The following GRM1 variants were observed in gnomAD, a reference collection of about 807,000 sequenced individuals.
The protein encoded by GRM1 is glutamate metabotropic receptor 1.
In GRM1, 33 loss-of-function variants were observed where a neutral mutation model predicts 90.9. That is an observed-to-expected ratio of 0.36 (90% CI 0.28 to 0.49). The LOEUF is 0.49. GRM1 is among the 20% of genes least tolerant of loss of function. The pLI, the probability that GRM1 is intolerant of heterozygous loss-of-function variation, is 0.99. For missense variants in GRM1, 1,190 were observed against 1,534.3 expected, an observed-to-expected ratio of 0.78 and a Z score of 3.75; for synonymous variants, 700 against 613.2, an observed-to-expected ratio of 1.14 and a Z score of -2.09.
intron 1 of GRM1, among the ~76,000 whole-genome samples, chr6:146,102,099 G>A (rs930401073): frequency 2.6e-5 from 4 of 151,920 alleles, no homozygotes; most frequent in East Asian, 1.9e-4. Flanking sequence ...CACAGATCTC[G>A]CTCGCCTCTT....
rs957164233 is a variant in GRM1 at position 146,297,695 on chromosome 6, A to C, written c.951-6916A>C. 2.6e-5 allele frequency among the ~76,000 whole-genome samples: 4 copies of C among 152,308 alleles called. No individual in the cohort carries two copies. The East Asian group carries it at 7.7e-4, about 29-fold the overall frequency. ...TACTAAACCATTGGATTCACGTTTG[A>C]AAAGTCACAAATTGCTGTGCTTTGA... is the stretch of plus-strand genomic sequence containing the variant. On this transcript the variant is annotated intron_variant, in intron 2 of 7. Transcript: ENST00000282753.
At chr6:146,046,702 T>C (rs1400917362) in intron 1 of GRM1, among the ~76,000 whole-genome samples, 2 of 152,056 alleles carry the variant, frequency 1.3e-5, no homozygotes, top group African/African-American at 4.8e-5. Context: ...TAAAGTTTGG[T>C]AACATAAGCA....
chr6:146,050,066 C>A (rs1424171630), intron 1 of GRM1, among the ~76,000 whole-genome samples: 1 of 151,892 alleles, frequency 6.6e-6, no homozygotes, highest in Non-Finnish European at 1.5e-5. Flanking sequence ...ATATTGTCAG[C>A]ATTTTTAATG....
rs1238833733 is a variant in GRM1 at position 146,382,338 on chromosome 6, A to G, written c.1603-4552A>G. ...CCTAAGATTTAAAAAAAAAAAAAAA[A>G]CAACTTGTCTGAATGTAACATATCT... On this transcript the variant is annotated intron_variant, in intron 5 of 7. Coordinates refer to ENST00000282753, the MANE Select transcript of GRM1 (RefSeq NM_001278064.2). Among the ~76,000 whole-genome samples the G allele has an allele frequency of 1.9e-4, 25 of 134,290 alleles. 1 individual carries two copies. In the Admixed American group the frequency reaches 1.9e-3, roughly 10 times the overall value. The allele number at this position is 134,290 out of a possible 152,430, so 88.1% of individuals were successfully genotyped here.
chr6:146,086,317 C>T (rs1321671760), intron 1 of GRM1, among the ~76,000 whole-genome samples: 1 of 152,120 alleles, frequency 6.6e-6, no homozygotes, highest in Non-Finnish European at 1.5e-5. Context: ...AAAACTTCAG[C>T]TTTCTCTCTG....
chr6:146,372,856 A>G (rs1295581532), intron 5 of GRM1, among the ~76,000 whole-genome samples: 1 of 152,004 alleles, frequency 6.6e-6, no homozygotes, highest in Non-Finnish European at 1.5e-5. Flanking sequence ...TGTTTTGGTT[A>G]TTATAGCTCT....
At chr6:146,105,471 T>A (rs964003624) in intron 1 of GRM1, among the ~76,000 whole-genome samples, 2 of 152,136 alleles carry the variant, frequency 1.3e-5, no homozygotes, top group Admixed American at 6.5e-5. Context: ...CAAATAACAA[T>A]TTTTTATAAA....
At chr6:146,354,928 G>A (rs575546981) in intron 4 of GRM1, among the ~76,000 whole-genome samples, 199 of 151,920 alleles carry the variant, frequency 1.3e-3, no homozygotes, top group Middle Eastern at 0.01. Context: ...CAGCTTTTGG[G>A]ACTTTTTAAA....
chr6:146,063,944 C>G (rs1775759404), intron 1 of GRM1, among the ~76,000 whole-genome samples: 1 of 152,134 alleles, frequency 6.6e-6, no homozygotes, highest in Admixed American at 6.5e-5. Flanking sequence ...ACAATGAAAT[C>G]TGGAAACTAT....
At chr6:146,322,488 ACCCACAAG>A (rs1784230244) in intron 3 of GRM1, among the ~76,000 whole-genome samples, 1 of 152,136 alleles carries the variant, frequency 6.6e-6, no homozygotes, top group Admixed American at 6.5e-5. Context: ...CTGAAGCTGG[ACCCACAAG>A]CTCCCCTTCC....
rs56956724 is a variant in GRM1 at position 146,260,804 on chromosome 6, G to GTTT, written c.951-43776_951-43774dup. ...CCCATTTTTTAATTAGGTTATTTGG[G>GTTT]TTTTTTTTTTTTTTTTTTTTTTTTT... On this transcript the variant is annotated intron_variant, in intron 2 of 7. Coordinates refer to ENST00000282753, the MANE Select transcript of GRM1 (RefSeq NM_001278064.2). Among the ~76,000 whole-genome samples the GTTT allele has an allele frequency of 6.6e-4, 15 of 22,738 alleles. 1 individual carries two copies. The highest frequency in any genetic ancestry group is 1.4e-3 in the East Asian group (1 of 692). 14.9% of individuals were successfully genotyped at this position (22,738 alleles called of 152,430 possible).
At chr6:146,206,248 G>T (rs1779489418) in intron 2 of GRM1, among the ~76,000 whole-genome samples, 1 of 152,172 alleles carries the variant, frequency 6.6e-6, no homozygotes, top group African/African-American at 2.4e-5. Context: ...TGGGGGAAGA[G>T]AATGTTTACA....
intron 2 of GRM1, among the ~76,000 whole-genome samples, chr6:146,196,432 C>A (rs1409334182): frequency 6.6e-6 from 1 of 150,822 alleles, no homozygotes; most frequent in Non-Finnish European, 1.5e-5. Context: ...GGACTACAGG[C>A]ACCCGCCACC....
At position 146,304,854 on chromosome 6, in the gene GRM1, A is replaced by C. The variant is rs373672230; in HGVS notation, c.1186+8A>C. 5.1e-6 allele frequency: 8 copies of C among 1,558,934 alleles called. No homozygotes were observed. Among genetic ancestry groups the C allele is most frequent in the Non-Finnish European group, 7.1e-6 (8 of 1,129,876 alleles). On this transcript the variant is annotated splice_region_variant and intron_variant, in intron 3 of 7. Coordinates refer to ENST00000282753, the MANE Select transcript of GRM1 (RefSeq NM_001278064.2). The stretch of plus-strand genomic sequence containing the variant: ...TTAAACGAATCTGCACAGGTAACTC[A>C]TGTTCACAAAATAACAACTCAGAGG...
At chr6:146,037,338 T>G (rs546487838) in intron 1 of GRM1, among the ~76,000 whole-genome samples, 2 of 152,070 alleles carry the variant, frequency 1.3e-5, no homozygotes, top group South Asian at 4.1e-4. Context: ...CTATAGACTT[T>G]AGGAAACTTT....
At chr6:146,252,598 AG>A (rs1396787308) in intron 2 of GRM1, among the ~76,000 whole-genome samples, 1 of 151,712 alleles carries the variant, frequency 6.6e-6, no homozygotes, top group Non-Finnish European at 1.5e-5. Context: ...TGGGCGACAG[AG>A]CAAACCTCCA....
At chr6:146,285,025 A>G (rs774993672) in intron 2 of GRM1, among the ~76,000 whole-genome samples, 6 of 152,202 alleles carry the variant, frequency 3.9e-5, no homozygotes, top group Non-Finnish European at 8.8e-5. Context: ...CATTCCCTTC[A>G]GATCACTCTT....
chr6:146,191,855 T>C (rs1163987763), intron 2 of GRM1, among the ~76,000 whole-genome samples: 1 of 152,230 alleles, frequency 6.6e-6, no homozygotes, highest in Non-Finnish European at 1.5e-5. Context: ...CGTGACAGAT[T>C]AACTTTGACA....
chr6:146,352,529 T>C, intron 4 of GRM1, 33 bp downstream of exon 4: 3 of 1,610,082 alleles, frequency 1.9e-6, no homozygotes, highest in Non-Finnish European at 2.5e-6. Context: ...TAAGTAACCT[T>C]GTGAGCCTTC....
Sources: gnomAD v4.1 joint callset for allele counts (sites outside exome capture counted in the v4.1 genomes callset) on GRCh38, gnomAD v4.1.1 for gene constraint, MANE v1.5 for transcripts, NCBI Gene and HGNC (gene_info 2026-07-23, HGNC 2026-07-21) for gene names.